OBP2B: variants seen among roughly 807,000 people sequenced by gnomAD.
OBP2B encodes the protein odorant-binding protein 2b.
OBP2B carries 10 observed loss-of-function variants against 21.7 expected under a neutral mutation model. That is an observed-to-expected ratio of 0.46 (90% CI 0.28 to 0.78). OBP2B has a LOEUF of 0.78. Ranked by LOEUF, OBP2B falls within the 30% of genes least tolerant of loss-of-function variation. The probability of loss-of-function intolerance (pLI) is 0.11; values close to 1 mark genes in which losing one functional copy is unlikely to be tolerated. For missense variants in OBP2B, 153 were observed against 217.7 expected (o/e 0.70, Z 1.87); for synonymous variants, 73 against 91.5 (o/e 0.80, Z 1.16).
chr9:133,212,993 C>T (rs1446600229), upstream of OBP2B, among the ~76,000 whole-genome samples: 5 of 151,010 alleles, frequency 3.3e-5, no homozygotes, highest in African/African-American at 7.3e-5. Context: ...TGGAGCCCCA[C>T]GTGGGCAGAT....
chr9:133,217,159 TG>T, the OBP2B span, among the ~76,000 whole-genome samples: 2 of 152,218 alleles, frequency 1.3e-5, no homozygotes, highest in African/African-American at 4.8e-5. Flanking sequence ...GTTTGATTTT[TG>T]CAGACTTTCT....
chr9:133,206,193 G>C, intron 5 of OBP2B, 122 bp downstream of exon 5: 1 of 1,240,852 alleles, frequency 8.1e-7, no homozygotes, highest in Non-Finnish European at 1.2e-6. Context: ...GAGCCCCTGC[G>C]AGGAGACTCG....
the OBP2B span, among the ~76,000 whole-genome samples, chr9:133,222,123 T>A: frequency 6.6e-6 from 1 of 151,838 alleles, no homozygotes; most frequent in African/African-American, 2.4e-5. Flanking sequence ...AGTGCGTATG[T>A]GCTGAGTGTG....
chr9:133,207,391 G>A (rs1833763975), intron 3 of OBP2B, 55 bp from the exon 4 acceptor site: 10 of 1,201,296 alleles, frequency 8.3e-6, no homozygotes, highest in Admixed American at 1.8e-5. Flanking sequence ...GGGGCCACAT[G>A]AAGAAACACT....
At chr9:133,222,680 G>A in the OBP2B span, among the ~76,000 whole-genome samples, 6 of 152,106 alleles carry the variant, frequency 3.9e-5, no homozygotes, top group South Asian at 2.1e-4. Context: ...GCAGTAAGCC[G>A]AGATCGTGCC....
upstream of OBP2B, among the ~76,000 whole-genome samples, chr9:133,209,745 A>G (rs1442336819): frequency 2.0e-5 from 3 of 151,658 alleles, no homozygotes; most frequent in Non-Finnish European, 4.4e-5. The surrounding 1 kb of genome is among the most constrained non-coding windows in gnomAD (Gnocchi z 6.0). Flanking sequence ...TCTGGGACCC[A>G]CTCTGCATTG....
At chr9:133,215,934 T>G in the OBP2B span, among the ~76,000 whole-genome samples, 2 of 151,962 alleles carry the variant, frequency 1.3e-5, no homozygotes, top group Non-Finnish European at 2.9e-5. Context: ...TGCAAGAAAA[T>G]TAACTCAAAA....
chr9:133,210,012 C>T (rs1189430684), upstream of OBP2B, among the ~76,000 whole-genome samples: 8 of 152,176 alleles, frequency 5.3e-5, no homozygotes, highest in Admixed American at 1.3e-4. Flanking sequence ...TCCCCTCTCT[C>T]GTCAGCTTTG....
the OBP2B span, among the ~76,000 whole-genome samples, chr9:133,219,361 C>T: frequency 6.6e-6 from 1 of 152,150 alleles, no homozygotes; most frequent in African/African-American, 2.4e-5. Flanking sequence ...ACTTGCAAAT[C>T]ACATATCTGA....
chr9:133,216,290 G>A, the OBP2B span, among the ~76,000 whole-genome samples: 1 of 151,022 alleles, frequency 6.6e-6, no homozygotes, highest in African/African-American at 2.4e-5. Flanking sequence ...CTTGACTAGA[G>A]AGGATATACA....
intron 4 of OBP2B, 193 bp from the exon 5 acceptor site, chr9:133,206,609 C>A: frequency 1.5e-6 from 1 of 672,272 alleles, no homozygotes; most frequent in South Asian, 1.9e-5. Context: ...GGGGAGAGAC[C>A]CAAGAGTGGA....
chr9:133,207,167 C>A lies in OBP2B; in HGVS notation c.388+59G>T, dbSNP rs1833749662. ...CCAGGGCATGGTGGTGCTGGTTCCA[C>A]CGGCTTCCAGAGGCAGAGACCGTGG... On this transcript the variant is annotated intron_variant, in intron 4 of 6. Transcript: ENST00000372034. 2.5e-6 allele frequency: 3 copies of A among 1,208,662 alleles called. No individual in the cohort carries two copies. The Admixed American group carries it at 5.1e-5, about 21-fold the overall frequency. 74.9% of individuals were successfully genotyped at this position (1,208,662 alleles called of 1,614,324 possible).
intron 1 of OBP2B, 123 bp from the exon 2 acceptor site, chr9:133,208,725 C>T: frequency 1.3e-6 from 2 of 1,487,194 alleles, no homozygotes; most frequent in East Asian, 2.4e-5. Context: ...TAAAGGCAGG[C>T]TGTGTTCCTG....
At chr9:133,211,785 T>G (rs1833919845), upstream of OBP2B, among the ~76,000 whole-genome samples, 3 of 152,226 alleles carry the variant, frequency 2.0e-5, no homozygotes, top group Admixed American at 2.0e-4. Flanking sequence ...AGAAAATAAA[T>G]TTTTGTTCTA....
intron 3 of OBP2B, 52 bp from the exon 4 acceptor site, chr9:133,207,388 C>A: frequency 8.3e-7 from 1 of 1,204,940 alleles, no homozygotes; most frequent in South Asian, 1.3e-5. Flanking sequence ...CTCGGGGCCA[C>A]ATGAAGAAAC....
chr9:133,207,679 TCCCCATCCCTAACCCTCGGC>T (rs1328631201), intron 3 of OBP2B, among the ~76,000 whole-genome samples: 1 of 139,384 alleles, frequency 7.2e-6, no homozygotes, highest in Non-Finnish European at 1.5e-5. Context: ...ACCCTCGGCC[TCCCCATCCCTAACCCTCGGC>T]CTCCTCATCC....
chr9:133,221,983 C>T, the OBP2B span, among the ~76,000 whole-genome samples: 1 of 152,204 alleles, frequency 6.6e-6, no homozygotes, highest in Non-Finnish European at 1.5e-5. Context: ...TCATCCCCTC[C>T]TCCTTTGCGT....
rs146584380 is a variant in OBP2B at position 133,205,509 on chromosome 9, C to A, written c.*2-98G>T. The A allele has an allele frequency of 1.2e-4, 102 of 869,364 alleles. 1 individual carries two copies. The East Asian group carries it at 2.8e-3, about 24-fold the overall frequency. The allele number at this position is 869,364 out of a possible 1,614,324, so 53.9% of individuals were successfully genotyped here. A position where few individuals can be genotyped will look rare whatever the true frequency, so the allele number is the denominator to read the frequency against. On this transcript the variant is annotated intron_variant, in intron 6 of 6. Transcript: ENST00000372034. ...CCAGGCTCTGCAGCCCCCACATCGG[C>A]CACTGCTGGGCAACCTCGGGGCTCC...
upstream of OBP2B, among the ~76,000 whole-genome samples, chr9:133,213,950 T>C (rs782023394): frequency 3.0e-4 from 46 of 152,146 alleles, no homozygotes; most frequent in Non-Finnish European, 2.9e-4. Context: ...CAGAACAATA[T>C]ACCTCATGAA....
Sources: allele counts gnomAD v4.1 joint callset (sites outside exome capture counted in the v4.1 genomes callset), GRCh38; gene constraint gnomAD v4.1.1; non-coding constraint Gnocchi (gnomAD v3.1); transcripts MANE v1.5; gene names NCBI Gene and HGNC (gene_info 2026-07-23, HGNC 2026-07-21).